The following CCNB2 variants were observed in gnomAD, a reference collection of about 807,000 sequenced individuals.
CCNB2 encodes the protein cyclin B2, also known as G2/mitotic-specific cyclin-B2.
In CCNB2, 39 loss-of-function variants were observed where a neutral mutation model predicts 51.1. The ratio of observed to expected loss-of-function variants is 0.76; its 90% CI spans 0.59 to 1.00. The LOEUF (loss-of-function observed/expected upper bound fraction) is 1.00, where lower values mean the gene tolerates loss of function less well. CCNB2 is among the 50% of genes least tolerant of loss of function. The pLI, the probability that CCNB2 is intolerant of heterozygous loss-of-function variation, is 0.00. For synonymous variants in CCNB2, 174 were observed against 165.5 expected (o/e 1.05, Z -0.40); for missense variants, 472 against 470.3 (o/e 1.00, Z -0.03).
At chr15:59,121,485 C>T (rs1370686214) in intron 7 of CCNB2, 1 of 152,160 alleles carries the variant, frequency 6.6e-6, no homozygotes, top group Non-Finnish European at 1.5e-5. Context: ...TCTTTCTTCC[C>T]TTCAAAGTAT....
intron 7 of CCNB2, among the ~76,000 whole-genome samples, chr15:59,122,788 G>C (rs2079308747): frequency 6.6e-6 from 1 of 151,944 alleles, no homozygotes; most frequent in African/African-American, 2.4e-5. Context: ...TTCTTGCCTT[G>C]GCCTCCGAAA....
chr15:59,123,640 GT>G lies in CCNB2; in HGVS notation c.1086+17del. ...AACTAAATTCATCGTAAGTACTACTGTTTTCTTAAGCTGTGGAAAGCTTTAG... is the reference window on the plus strand; with the variant it reads ...AACTAAATTCATCGTAAGTACTACTGTTTCTTAAGCTGTGGAAAGCTTTAG... On this transcript the variant is annotated intron_variant, in intron 8 of 8. Transcript: ENST00000288207. 1 of 1,383,612 alleles carries G rather than the reference GT, an allele frequency of 7.2e-7. No homozygotes were observed. The highest frequency in any genetic ancestry group is 1.2e-5 in the South Asian group (1 of 86,092). The allele number at this position is 1,383,612 out of a possible 1,614,324, so 85.7% of individuals were successfully genotyped here.
chr15:59,121,931 CAAAAAAAAAAAAAA>C (rs3052992), intron 7 of CCNB2, among the ~76,000 whole-genome samples: 12 of 14,094 alleles, frequency 8.5e-4, no homozygotes, highest in African/African-American at 1.9e-3. Context: ...GACTCTGTCT[CAAAAAAAAAAAAAA>C]AAAAAAAAAA....
chr15:59,117,400 G>A, intron 7 of CCNB2, 32 bp downstream of exon 7: 1 of 1,602,422 alleles, frequency 6.2e-7, no homozygotes, highest in Non-Finnish European at 8.5e-7. Context: ...AAACTAATTA[G>A]GCTATATTTT....
chr15:59,108,899 C>T (rs1040145844), intron 3 of CCNB2, among the ~76,000 whole-genome samples: 2 of 152,138 alleles, frequency 1.3e-5, no homozygotes, highest in Non-Finnish European at 2.9e-5. Flanking sequence ...AAAAGCCTTC[C>T]CTAGAAGGTT....
chr15:59,117,782 T>A (rs1367964521), intron 7 of CCNB2, among the ~76,000 whole-genome samples: 1 of 152,106 alleles, frequency 6.6e-6, no homozygotes, highest in Admixed American at 6.6e-5. Context: ...AGCAATTGTT[T>A]AAAGTCCAAA....
intron 3 of CCNB2, among the ~76,000 whole-genome samples, chr15:59,109,735 C>G (rs2079250457): frequency 6.6e-6 from 1 of 152,186 alleles, no homozygotes; most frequent in African/African-American, 2.4e-5. Flanking sequence ...GCCTGTAATC[C>G]CAGCACTTTG....
chr15:59,108,679 G>C (rs2079245639), intron 3 of CCNB2, among the ~76,000 whole-genome samples: 1 of 152,222 alleles, frequency 6.6e-6, no homozygotes, highest in African/African-American at 2.4e-5. Flanking sequence ...GGAGAGGGCG[G>C]TAGCTTTGGT....
At chr15:59,113,121 C>A (rs1448563528) in intron 3 of CCNB2, among the ~76,000 whole-genome samples, 1 of 152,008 alleles carries the variant, frequency 6.6e-6, no homozygotes, top group African/African-American at 2.4e-5. Context: ...TTTTAATTTG[C>A]ATAATTTTTA....
intron 7 of CCNB2, among the ~76,000 whole-genome samples, chr15:59,119,988 G>A (rs1217971847): frequency 6.6e-6 from 1 of 152,148 alleles, no homozygotes; most frequent in Non-Finnish European, 1.5e-5. Context: ...GATTACAGAC[G>A]TGAGCCACTG....
chr15:59,120,213 C>T (rs2079296498), intron 7 of CCNB2, among the ~76,000 whole-genome samples: 1 of 152,150 alleles, frequency 6.6e-6, no homozygotes, highest in African/African-American at 2.4e-5. Flanking sequence ...CTACTGGCAA[C>T]TAGGGCTGTT....
chr15:59,105,380 C>T, intron 1 of CCNB2, 88 bp downstream of exon 1: 2 of 1,405,658 alleles, frequency 1.4e-6, no homozygotes, highest in Non-Finnish European at 1.9e-6. Context: ...CGAGCTTCTC[C>T]GTCCCAACCG....
Position 59,107,570 on chromosome 15 carries a change from C to G in CCNB2, c.167C>G (p.Thr56Ser). Residue 56 changes from threonine (T) to serine (S), a missense_variant, in exon 3 of 9, where the codon ACC becomes AGC. Transcript: ENST00000288207. ...AAQVAKKAQNTKVPVQPTKTT... is the reference protein window; with the variant it reads ...AAQVAKKAQNSKVPVQPTKTT... Reference sequence around the variant, plus strand: ...TTTTCCTTATAGAAAGCTCAGAACACCAAAGTTCCAGTTCAACCCACCAAA... The same window carrying G: ...TTTTCCTTATAGAAAGCTCAGAACAGCAAAGTTCCAGTTCAACCCACCAAA... 2 of 1,614,140 alleles carry G rather than the reference C, an allele frequency of 1.2e-6. No individual in the cohort carries two copies. The highest frequency in any genetic ancestry group is 1.7e-6 in the Non-Finnish European group (2 of 1,180,018).
At chr15:59,118,289 C>T (rs1336452976) in intron 7 of CCNB2, among the ~76,000 whole-genome samples, 14 of 152,206 alleles carry the variant, frequency 9.2e-5, no homozygotes, top group African/African-American at 3.4e-4. Flanking sequence ...GTCACAGGTA[C>T]ACTGTTGTGG....
At chr15:59,114,007 AT>A (rs1200673140) in intron 3 of CCNB2, among the ~76,000 whole-genome samples, 1 of 152,202 alleles carries the variant, frequency 6.6e-6, no homozygotes, top group Non-Finnish European at 1.5e-5. Flanking sequence ...TGGCCTGATA[AT>A]TTTAAATAGG....
intron 7 of CCNB2, among the ~76,000 whole-genome samples, chr15:59,118,374 C>T (rs987756481): frequency 6.6e-6 from 1 of 152,156 alleles, no homozygotes; most frequent in Non-Finnish European, 1.5e-5. Context: ...CAATAGAAAA[C>T]CTCATCAGAA....
chr15:59,112,463 G>A (rs535425841), intron 3 of CCNB2, among the ~76,000 whole-genome samples: 2 of 151,782 alleles, frequency 1.3e-5, no homozygotes, highest in South Asian at 4.2e-4. Flanking sequence ...TCCTGCCTCA[G>A]CCTCCTGAGT....
chr15:59,117,438 C>T, intron 7 of CCNB2, 70 bp downstream of exon 7: 2 of 1,472,258 alleles, frequency 1.4e-6, no homozygotes, highest in African/African-American at 1.4e-5. Context: ...AAGGCCTTAG[C>T]ATTTTTACAA....
At chr15:59,117,510 G>A (rs866198450) in intron 7 of CCNB2, 142 bp downstream of exon 7, 19 of 824,300 alleles carry the variant, frequency 2.3e-5, no homozygotes, top group African/African-American at 1.6e-4. Flanking sequence ...ATTCTGTCAC[G>A]TAGGCTGGAG....
Sources: gnomAD v4.1 joint callset for allele counts (sites outside exome capture counted in the v4.1 genomes callset) on GRCh38, gnomAD v4.1.1 for gene constraint, MANE v1.5 for transcripts, NCBI Gene and HGNC (gene_info 2026-07-23, HGNC 2026-07-21) for gene names.